The following ZNF609 variants were observed in gnomAD, a reference collection of about 807,000 sequenced individuals.
The protein encoded by ZNF609 is zinc finger protein 609.
ZNF609 carries 11 observed loss-of-function variants against 109.5 expected under a neutral mutation model. The observed-to-expected ratio is 0.10, with a 90% CI of 0.06 to 0.17. The LOEUF (loss-of-function observed/expected upper bound fraction) is 0.17, where lower values mean the gene tolerates loss of function less well. ZNF609 is among the 10% of genes least tolerant of loss of function. ZNF609 has a pLI of 1.00. For missense variants in ZNF609, 1,559 were observed against 1,772.4 expected, an observed-to-expected ratio of 0.88 and a Z score of 2.16; for synonymous variants, 646 against 662.0, an observed-to-expected ratio of 0.98 and a Z score of 0.37.
intron 1 of ZNF609, among the ~76,000 whole-genome samples, chr15:64,471,814 C>G (rs946004406): frequency 6.6e-6 from 1 of 152,070 alleles, no homozygotes; most frequent in Non-Finnish European, 1.5e-5. Context: ...AACTCCCAAA[C>G]TTAGGTGATC....
Position 64,680,664 on chromosome 15 carries a change from C to G in ZNF609, c.3964C>G (p.Gln1322Glu). ...KSPTISDKTS[Q>E]ERDRGGCGVV... ...TTTCCAGATAAGTGATAAAACTTCT[C>G]AGGAGAGAGATCGAGGAGGCTGTGG... Residue 1322 changes from glutamine to glutamate, a missense_variant, in exon 8 of 10, where the codon CAG (glutamine) becomes GAG (glutamate). Physicochemically the swap from Gln to Glu is conservative, Grantham distance 29 (BLOSUM62 2). This residue lies in a region of ZNF609 where 1,204 missense variants were observed against 1,314.1 expected (regional missense o/e 0.92). Coordinates refer to ENST00000326648, the MANE Select transcript of ZNF609 (RefSeq NM_015042.2). 6.2e-7 allele frequency: 1 copy of G among 1,600,086 alleles called. No individual in the cohort carries two copies. The highest frequency in any genetic ancestry group is 8.5e-7 in the Non-Finnish European group (1 of 1,173,016).
intron 3 of ZNF609, among the ~76,000 whole-genome samples, chr15:64,624,964 T>A (rs1411585176): frequency 6.6e-6 from 1 of 152,082 alleles, no homozygotes; most frequent in Non-Finnish European, 1.5e-5. Context: ...TTCACCGTGC[T>A]GGCCACGCTG....
intron 3 of ZNF609, among the ~76,000 whole-genome samples, chr15:64,633,486 C>T (rs1896118191): frequency 6.6e-6 from 1 of 152,096 alleles, no homozygotes; most frequent in East Asian, 1.9e-4. Flanking sequence ...CACTGTGTTG[C>T]TCAGGCTTGT....
intron 2 of ZNF609, among the ~76,000 whole-genome samples, chr15:64,607,565 C>A (rs892584843): frequency 2.1e-5 from 3 of 142,606 alleles, no homozygotes; most frequent in African/African-American, 7.9e-5. Context: ...GGTGCAGTGG[C>A]GCGATCTTGG....
rs1365251395 is a variant in ZNF609 at position 64,557,735 on chromosome 15, C to T, written c.747+57569C>T. On this transcript the variant is annotated intron_variant, in intron 2 of 9. Coordinates refer to ENST00000326648, the MANE Select transcript of ZNF609 (RefSeq NM_015042.2). The stretch of plus-strand genomic sequence containing the variant: ...TTTTTGGGACGGAGTCTCGCTCTGT[C>T]GCCCAGGCTGGAGTGCAGTGGCGCG... Among the ~76,000 whole-genome samples, 5 of 152,192 alleles carry T rather than the reference C, an allele frequency of 3.3e-5. No individual in the cohort carries two copies. In the East Asian group the frequency reaches 9.7e-4, roughly 29 times the overall value.
chr15:64,475,879 A>AT (rs1016203383), intron 1 of ZNF609, among the ~76,000 whole-genome samples: 32 of 152,250 alleles, frequency 2.1e-4, no homozygotes, highest in Non-Finnish European at 4.3e-4. Flanking sequence ...AGAAATTGTG[A>AT]TTTTTTTAGA....
chr15:64,671,673 C>T (rs1180509617), intron 4 of ZNF609, among the ~76,000 whole-genome samples: 5 of 152,090 alleles, frequency 3.3e-5, no homozygotes, highest in African/African-American at 1.2e-4. Context: ...GAAATCCAGG[C>T]GTTGAGGGTA....
At chr15:64,490,329 A>G (rs1893396726) in intron 1 of ZNF609, among the ~76,000 whole-genome samples, 1 of 147,388 alleles carries the variant, frequency 6.8e-6, no homozygotes, top group Non-Finnish European at 1.5e-5. Context: ...GCTGGAGTGC[A>G]ATGGCACGGT....
At chr15:64,511,714 A>ATTT (rs980847553) in intron 2 of ZNF609, among the ~76,000 whole-genome samples, 1 of 137,016 alleles carries the variant, frequency 7.3e-6, no homozygotes, top group Non-Finnish European at 1.6e-5. Context: ...CAAGCATGTA[A>ATTT]TTTTTTTTTT....
At chr15:64,601,645 C>G (rs1595734446) in intron 2 of ZNF609, among the ~76,000 whole-genome samples, 1 of 152,200 alleles carries the variant, frequency 6.6e-6, no homozygotes, top group Non-Finnish European at 1.5e-5. Flanking sequence ...CCAAATTAAT[C>G]ATATTTGAGA....
chr15:64,659,157 C>T (rs1896537408), intron 3 of ZNF609, among the ~76,000 whole-genome samples: 1 of 152,112 alleles, frequency 6.6e-6, no homozygotes, highest in African/African-American at 2.4e-5. Context: ...ATCCTCATTA[C>T]CCATTGTTGT....
At chr15:64,556,955 G>T (rs527656864) in intron 2 of ZNF609, among the ~76,000 whole-genome samples, 5 of 152,148 alleles carry the variant, frequency 3.3e-5, no homozygotes, top group Admixed American at 6.5e-5. Flanking sequence ...ATTAAAAACC[G>T]TAAAGAGGAA....
At chr15:64,646,465 T>C (rs1003335012) in intron 3 of ZNF609, among the ~76,000 whole-genome samples, 2 of 150,634 alleles carry the variant, frequency 1.3e-5, no homozygotes, top group African/African-American at 4.9e-5. Flanking sequence ...ACCCCATCTC[T>C]ACTAAAAATA....
At chr15:64,662,933 C>G (rs767227300) in intron 3 of ZNF609, among the ~76,000 whole-genome samples, 22 of 152,082 alleles carry the variant, frequency 1.4e-4, no homozygotes, top group Non-Finnish European at 2.6e-4. Context: ...TCCCAAATTG[C>G]TGAGATTACA....
chr15:64,546,630 GC>G (rs1181714238), intron 2 of ZNF609, among the ~76,000 whole-genome samples: 1 of 151,296 alleles, frequency 6.6e-6, no homozygotes, highest in African/African-American at 2.4e-5. Flanking sequence ...ATGCCACTAT[GC>G]CCAGCTAATT....
chr15:64,500,063 T>C lies in ZNF609; in HGVS notation c.644T>C (p.Ile215Thr), dbSNP rs1374435797. Residue 215 changes from isoleucine (I) to threonine (T), a missense_variant, in exon 2 of 10, where the codon ATA (isoleucine) becomes ACA (threonine). Around this residue, in one of 4 missense-constraint regions of ZNF609, gnomAD observed 291 missense variants for 317.8 expected, o/e 0.92. Coordinates refer to ENST00000326648, the MANE Select transcript of ZNF609 (RefSeq NM_015042.2). ...DTGAVEPLGS[I>T]AIEPGAALNP... is the part of the protein sequence containing the mutation. ...GGAGCTGTGGAGCCACTTGGGAGTA[T>C]AGCTATTGAGCCTGGGGCAGCGCTC... 2 of 1,614,070 alleles carry C rather than the reference T, an allele frequency of 1.2e-6. No homozygotes were observed. The highest frequency in any genetic ancestry group is 8.5e-7 in the Non-Finnish European group (1 of 1,180,010).
At chr15:64,528,979 G>T in intron 2 of ZNF609, 2 of 1,499,172 alleles carry the variant, frequency 1.3e-6, no homozygotes, top group Non-Finnish European at 1.8e-6. Context: ...GACATGGAAG[G>T]CCATGCCAGT....
chr15:64,484,079 G>A (rs999411358), intron 1 of ZNF609, among the ~76,000 whole-genome samples: 9 of 146,042 alleles, frequency 6.2e-5, no homozygotes, highest in Non-Finnish European at 1.0e-4. Flanking sequence ...TGGTGACATT[G>A]CCTCCAAAGA....
At chr15:64,516,877 C>A (rs1386621704) in intron 2 of ZNF609, among the ~76,000 whole-genome samples, 2 of 152,206 alleles carry the variant, frequency 1.3e-5, no homozygotes, top group Middle Eastern at 3.4e-3. Flanking sequence ...AACAATAAGT[C>A]CAGTCTTAGC....
Sources: allele counts gnomAD v4.1 joint callset (sites outside exome capture counted in the v4.1 genomes callset), GRCh38; gene constraint gnomAD v4.1.1; regional missense constraint gnomAD v4.1.1; transcripts MANE v1.5; gene names NCBI Gene and HGNC (gene_info 2026-07-23, HGNC 2026-07-21).